Variants in SHOC1 observed in about 807,000 individuals in gnomAD.
SHOC1 encodes protein shortage in chiasmata 1 ortholog.
SHOC1 carries 136 observed loss-of-function variants against 179.2 expected under a neutral mutation model. That is an observed-to-expected ratio of 0.76 (90% CI 0.66 to 0.87). The LOEUF is 0.87. SHOC1 is among the 40% of genes least tolerant of loss of function. SHOC1 has a pLI of 0.00. For synonymous variants in SHOC1, 489 were observed against 586.6 expected (o/e 0.83, Z 2.41); for missense variants, 1,538 against 1,700.8 (o/e 0.90, Z 1.68).
At chr9:111,758,317 C>T (rs948807736) in intron 6 of SHOC1, 122 bp from the exon 7 acceptor site, 9 of 620,174 alleles carry the variant, frequency 1.5e-5, no homozygotes, top group African/African-American at 3.8e-5. Flanking sequence ...AGTTATTGGC[C>T]GGGTGCAGTG....
chr9:111,772,394 T>C (rs1317572126), intron 5 of SHOC1, among the ~76,000 whole-genome samples: 1 of 152,246 alleles, frequency 6.6e-6, no homozygotes, highest in African/African-American at 2.4e-5. Context: ...AGCTCACAAA[T>C]GACTGTCTTG....
intron 8 of SHOC1, among the ~76,000 whole-genome samples, chr9:111,749,924 T>C (rs1834496764): frequency 6.6e-6 from 1 of 152,226 alleles, no homozygotes; most frequent in African/African-American, 2.4e-5. Flanking sequence ...CAGTCTATCA[T>C]TGATGGGCAT....
At position 111,741,548 on chromosome 9, in the gene SHOC1, A is replaced by G; in HGVS notation, c.1102T>C (p.Ser368Pro). Residue 368 changes from serine to proline, a missense_variant, in exon 11 of 28, where the codon TCA becomes CCA. Physicochemically the swap from Ser to Pro is moderately conservative, Grantham distance 74. Transcript: ENST00000682961. The stretch of plus-strand genomic sequence containing the variant: ...CACATCATGTAGTATTCATTAGCTG[A>G]TTCTTCAGCAGTAAGCAAATTACTG... ...CKINLLTAEE[S>P]ANEYYMMWQL... is the part of the protein sequence containing the mutation. 6.2e-7 allele frequency: 1 copy of G among 1,608,758 alleles called. No homozygotes were observed. The highest frequency in any genetic ancestry group is 8.5e-7 in the Non-Finnish European group (1 of 1,176,802).
chr9:111,728,092 A>G (rs1357730182), intron 12 of SHOC1, 43 bp from the exon 13 acceptor site: 1 of 1,360,338 alleles, frequency 7.4e-7, no homozygotes, highest in East Asian at 2.4e-5. Flanking sequence ...TTCCACACCT[A>G]AACGAGTGTT....
chr9:111,761,031 G>GA (rs779225423), intron 5 of SHOC1, among the ~76,000 whole-genome samples: 94 of 151,952 alleles, frequency 6.2e-4, no homozygotes, highest in Non-Finnish European at 1.2e-3. Context: ...GATCATAATA[G>GA]AAAATCCAGA....
chr9:111,785,387 G>A (rs936473389), intron 3 of SHOC1, among the ~76,000 whole-genome samples: 7 of 137,844 alleles, frequency 5.1e-5, no homozygotes, highest in Non-Finnish European at 9.3e-5. Context: ...CCCACTGAGA[G>A]CAGAGACTAC....
intron 5 of SHOC1, among the ~76,000 whole-genome samples, chr9:111,760,620 G>C (rs557389441): frequency 8.6e-5 from 13 of 150,764 alleles, no homozygotes; most frequent in African/African-American, 3.2e-4. Flanking sequence ...TACAATTAAT[G>C]TTTTTTTTTA....
intron 18 of SHOC1, among the ~76,000 whole-genome samples, chr9:111,708,927 A>T (rs1832401950): frequency 6.6e-6 from 1 of 152,226 alleles, no homozygotes; most frequent in Admixed American, 6.5e-5. Context: ...GTGATATAAT[A>T]ATAATGAGAG....
intron 10 of SHOC1, among the ~76,000 whole-genome samples, chr9:111,744,744 G>T (rs1834194067): frequency 6.6e-6 from 1 of 152,144 alleles, no homozygotes; most frequent in African/African-American, 2.4e-5. Flanking sequence ...TAATTGTACT[G>T]GTTATGTTCC....
At chr9:111,755,877 C>G (rs1400045318) in intron 8 of SHOC1, among the ~76,000 whole-genome samples, 1 of 152,054 alleles carries the variant, frequency 6.6e-6, no homozygotes, top group Non-Finnish European at 1.5e-5. Flanking sequence ...AATCTTAGCA[C>G]TTTGGGAGGC....
chr9:111,730,264 C>A (rs1357034539), intron 12 of SHOC1, among the ~76,000 whole-genome samples: 1 of 152,154 alleles, frequency 6.6e-6, no homozygotes, highest in Non-Finnish European at 1.5e-5. Context: ...ATTTTGGCCT[C>A]CTCCCAAGAA....
chr9:111,716,851 T>C (rs59090536), intron 16 of SHOC1, among the ~76,000 whole-genome samples: 1,530 of 152,336 alleles, frequency 0.01, 18 homozygotes, highest in African/African-American at 0.035. Flanking sequence ...CACTTGAATG[T>C]TGATACTGGA....
rs1834990659 is a variant in SHOC1, at chr9:111,758,687, G to T, written c.596+8C>A. 1.3e-6 allele frequency: 2 copies of T among 1,568,698 alleles called. 1 individual carries two copies. Among genetic ancestry groups the T allele is most frequent in the African/African-American group, 2.8e-5 (2 of 72,172 alleles). On this transcript the variant is annotated splice_region_variant and intron_variant, in intron 6 of 27. Transcript: ENST00000682961. Reference sequence around the variant, plus strand: ...AATATTTACAGCATTGGTCAATTAAGTAAGTACCTGGAAAAATTAGCTTCT... The same window carrying T: ...AATATTTACAGCATTGGTCAATTAATTAAGTACCTGGAAAAATTAGCTTCT...
intron 12 of SHOC1, among the ~76,000 whole-genome samples, chr9:111,737,099 TAC>T (rs1833841961): frequency 3.3e-5 from 5 of 152,182 alleles, no homozygotes; most frequent in Admixed American, 3.3e-4. Context: ...AGAATACTTA[TAC>T]ACTCTGGGTG....
At chr9:111,707,389 T>G (rs1832324429) in intron 19 of SHOC1, among the ~76,000 whole-genome samples, 1 of 55,020 alleles carries the variant, frequency 1.8e-5, no homozygotes, top group African/African-American at 6.4e-5. Flanking sequence ...TGGATCCCAA[T>G]ATTTGAAAAA....
chr9:111,690,017 G>C (rs1831356857), intron 27 of SHOC1, among the ~76,000 whole-genome samples: 1 of 152,080 alleles, frequency 6.6e-6, no homozygotes, highest in African/African-American at 2.4e-5. Context: ...TATGAAGTTA[G>C]CATAACTTTT....
intron 17 of SHOC1, 109 bp downstream of exon 17, chr9:111,714,336 C>A: frequency 1.0e-6 from 1 of 998,422 alleles, no homozygotes; most frequent in Non-Finnish European, 1.5e-6. Context: ...CATCAAGGGA[C>A]TAAGTAGTAT....
At position 111,774,447 on chromosome 9, in the gene SHOC1, C is replaced by T. The variant is rs138884176; in HGVS notation, c.442+1344G>A. Among the ~76,000 whole-genome samples the T allele has an allele frequency of 6.6e-4, 100 of 152,212 alleles. 1 individual carries two copies. The East Asian group carries it at 0.018, about 27-fold the overall frequency. On this transcript the variant is annotated intron_variant, in intron 5 of 27. Coordinates refer to ENST00000682961, the MANE Select transcript of SHOC1 (RefSeq NM_001378211.1). ...ACAAATAGCTAGGACTACAGAACTG[C>T]CACCACACCTGGCTAATTTTTAACA... is the stretch of plus-strand genomic sequence containing the variant.
chr9:111,754,075 G>T (rs1467572898), intron 8 of SHOC1, among the ~76,000 whole-genome samples: 1 of 152,116 alleles, frequency 6.6e-6, no homozygotes, highest in African/African-American at 2.4e-5. Flanking sequence ...ACTATGAGAT[G>T]ATGATAAGTT....
Sources: gnomAD v4.1 joint callset for allele counts (sites outside exome capture counted in the v4.1 genomes callset) on GRCh38, gnomAD v4.1.1 for gene constraint, MANE v1.5 for transcripts, NCBI Gene and HGNC (gene_info 2026-07-23, HGNC 2026-07-21) for gene names.